The following FAM3B variants were observed in gnomAD, a reference collection of about 807,000 sequenced individuals.
FAM3B encodes the protein protein FAM3B.
In FAM3B, 29 loss-of-function variants were observed where a neutral mutation model predicts 28.4. The ratio of observed to expected loss-of-function variants is 1.02; its 90% confidence interval spans 0.76 to 1.39. The LOEUF is 1.39. Ranked by LOEUF, FAM3B falls within the 40% of genes most tolerant of loss-of-function variation. The probability of loss-of-function intolerance (pLI) is 0.00; values close to 1 mark genes in which losing one functional copy is unlikely to be tolerated. For synonymous variants in FAM3B, 91 were observed against 103.0 expected (o/e 0.88, Z 0.71); for missense variants, 266 against 293.9 (o/e 0.91, Z 0.69).
chr21:41,331,540 T>C (rs2088905622), intron 2 of FAM3B, among the ~76,000 whole-genome samples: 1 of 152,190 alleles, frequency 6.6e-6, no homozygotes, highest in South Asian at 2.1e-4. Flanking sequence ...TTTTCCCTTA[T>C]ATTTTATCTA....
chr21:41,315,473 A>G (rs76479150), upstream of FAM3B, among the ~76,000 whole-genome samples: 1,953 of 119,662 alleles, frequency 0.016, 42 homozygotes, highest in African/African-American at 0.057. Flanking sequence ...CAGAGATAAA[A>G]GCCTTACCTC....
At chr21:41,344,045 G>A (rs776707388) in intron 3 of FAM3B, among the ~76,000 whole-genome samples, 5 of 152,196 alleles carry the variant, frequency 3.3e-5, no homozygotes, top group Admixed American at 6.5e-5. Flanking sequence ...GCTTGAGCCC[G>A]AGAGGCAGAG....
Position 41,344,537 on chromosome 21 carries a change from A to C in FAM3B, c.346+3A>C, listed in dbSNP as rs751242236. On this transcript the variant is annotated splice_donor_region_variant and intron_variant, in intron 4 of 7. Coordinates refer to ENST00000357985, the MANE Select transcript of FAM3B (RefSeq NM_058186.4). The stretch of plus-strand genomic sequence containing the variant: ...AATAAACATTGCCATTGTCAACTGT[A>C]AGTTACTAAACATTTTCTTTAAACT... 1.9e-6 allele frequency: 3 copies of C among 1,612,942 alleles called. No homozygotes were observed. The South Asian group carries it at 3.3e-5, about 18-fold the overall frequency.
In FAM3B at chr21:41,324,589, G is replaced by A. The variant is rs550560853; in HGVS notation, c.163+1523G>A. On this transcript the variant is annotated intron_variant, in intron 2 of 7. Transcript: ENST00000357985. Reference sequence around the variant, plus strand: ...TTCTGGGACAGACTGAATTATCGCCGAAGGAAATGCCTACTGTGAAAGTCC... The same window carrying A: ...TTCTGGGACAGACTGAATTATCGCCAAAGGAAATGCCTACTGTGAAAGTCC... Among the ~76,000 whole-genome samples the A allele has an allele frequency of 9.3e-4, 141 of 152,274 alleles. 1 individual carries two copies. Among genetic ancestry groups the A allele is most frequent in the Non-Finnish European group, 5.7e-4 (39 of 68,014 alleles).
intron 2 of FAM3B, among the ~76,000 whole-genome samples, chr21:41,327,661 C>T (rs2088866078): frequency 1.3e-5 from 2 of 152,244 alleles, no homozygotes; most frequent in African/African-American, 4.8e-5. Flanking sequence ...TTCATACCCT[C>T]ATGGTGGGGA....
chr21:41,322,145 T>G (rs1272689011), intron 1 of FAM3B, among the ~76,000 whole-genome samples: 1 of 152,076 alleles, frequency 6.6e-6, no homozygotes, highest in Non-Finnish European at 1.5e-5. Context: ...GGGAGCAAAC[T>G]CTAAAAGCCC....
chr21:41,346,004 G>T, intron 5 of FAM3B: 2 of 226,060 alleles, frequency 8.8e-6, no homozygotes, highest in Non-Finnish European at 1.7e-5. Context: ...TAATAAGAAA[G>T]AGAAAAAGCC....
At chr21:41,318,135 T>C (rs1263711509) in intron 1 of FAM3B, among the ~76,000 whole-genome samples, 1 of 152,192 alleles carries the variant, frequency 6.6e-6, no homozygotes, top group African/African-American at 2.4e-5. Context: ...TCATGAGCTG[T>C]GGGGTCCTTT....
chr21:41,343,357 A>G (rs777327125), intron 3 of FAM3B, among the ~76,000 whole-genome samples: 1 of 152,218 alleles, frequency 6.6e-6, no homozygotes, highest in South Asian at 2.1e-4. Context: ...TCTCTAACGT[A>G]TACAACCAGA....
intron 3 of FAM3B, among the ~76,000 whole-genome samples, chr21:41,339,875 A>G (rs955051897): frequency 1.3e-5 from 2 of 152,072 alleles, no homozygotes; most frequent in African/African-American, 4.8e-5. Context: ...TCATGCAATT[A>G]TGGAGGCCAA....
Position 41,323,188 on chromosome 21 carries a change from G to A in FAM3B, c.163+122G>A, listed in dbSNP as rs894112046. On this transcript the variant is annotated intron_variant, in intron 2 of 7. Transcript: ENST00000357985. Reference sequence around the variant, plus strand: ...ACGGCTTTATATCAGGAAGGAGGAGGAGAGAAGCATTTTGCAGTTACTCAT... The same window carrying A: ...ACGGCTTTATATCAGGAAGGAGGAGAAGAGAAGCATTTTGCAGTTACTCAT... 22 of 1,362,878 alleles carry A rather than the reference G, an allele frequency of 1.6e-5. No individual in the cohort carries two copies. The Admixed American group carries it at 4.0e-4, about 25-fold the overall frequency. The allele number at this position is 1,362,878 out of a possible 1,614,324, so 84.4% of individuals were successfully genotyped here.
chr21:41,304,912 G>T (rs935522263), intron 1 of FAM3B, among the ~76,000 whole-genome samples: 4 of 152,186 alleles, frequency 2.6e-5, no homozygotes, highest in African/African-American at 9.6e-5. Context: ...GGCAGGGGCT[G>T]CTGGAGTGAA....
chr21:41,354,230 A>G (rs1192978918), intron 7 of FAM3B, among the ~76,000 whole-genome samples: 1 of 152,236 alleles, frequency 6.6e-6, no homozygotes, highest in African/African-American at 2.4e-5. Context: ...ACATGTGGCA[A>G]TTCCTCAGAG....
chr21:41,329,560 T>G (rs1002426893), intron 2 of FAM3B, among the ~76,000 whole-genome samples: 2 of 151,972 alleles, frequency 1.3e-5, no homozygotes, highest in African/African-American at 4.8e-5. Flanking sequence ...GGAAAGTGTT[T>G]TCTTTCTTTT....
In FAM3B at chr21:41,333,565, G is replaced by T. The variant is rs558183784; in HGVS notation, c.164-4813G>T. On this transcript the variant is annotated intron_variant, in intron 2 of 7. Coordinates refer to ENST00000357985, the MANE Select transcript of FAM3B (RefSeq NM_058186.4). ...GGGCCTCCCCAGAAGCTGAGAAGAT[G>T]CCAGCATTATACTTCTTGTACAGCC... 7.9e-5 allele frequency among the ~76,000 whole-genome samples: 12 copies of T among 152,302 alleles called. No homozygotes were observed. The South Asian group carries it at 2.5e-3, about 32-fold the overall frequency.
At chr21:41,348,403 T>G (rs545733969) in intron 6 of FAM3B, among the ~76,000 whole-genome samples, 189 bp from the exon 7 acceptor site, 2 of 152,324 alleles carry the variant, frequency 1.3e-5, no homozygotes, top group East Asian at 3.9e-4. Context: ...AATGGTTAAC[T>G]AGAAATGTGA....
At chr21:41,307,138 G>A (rs1414888295) in intron 1 of FAM3B, among the ~76,000 whole-genome samples, 2 of 152,210 alleles carry the variant, frequency 1.3e-5, no homozygotes, top group East Asian at 3.8e-4. Context: ...AATGATCTTA[G>A]CTAGATCTTC....
intron 3 of FAM3B, among the ~76,000 whole-genome samples, chr21:41,341,422 A>G (rs374621011): frequency 3.3e-5 from 5 of 152,160 alleles, no homozygotes; most frequent in African/African-American, 1.2e-4. Context: ...CCCTCTGTGT[A>G]CCCCTTCTGA....
At chr21:41,348,544 C>T (rs1039364026) in intron 6 of FAM3B, 48 bp from the exon 7 acceptor site, 4 of 1,612,008 alleles carry the variant, frequency 2.5e-6, no homozygotes, top group Admixed American at 1.7e-5. Context: ...TTCCTCTCCT[C>T]TCCACGTCTC....
Sources: gnomAD v4.1 joint callset for allele counts (sites outside exome capture counted in the v4.1 genomes callset) on GRCh38, gnomAD v4.1.1 for gene constraint, MANE v1.5 for transcripts, NCBI Gene and HGNC (gene_info 2026-07-23, HGNC 2026-07-21) for gene names.